The following FAM110B variants were observed in gnomAD, a reference collection of about 807,000 sequenced individuals.
FAM110B encodes protein FAM110B.
Under a neutral mutation model 20.4 loss-of-function variants are expected in FAM110B, and 6 were observed. That is an observed-to-expected ratio of 0.29 (90% CI 0.16 to 0.58). The LOEUF is 0.58. Among genes scored for constraint, FAM110B ranks in the 20% least tolerant of loss-of-function variants. The pLI is 0.90. For synonymous variants in FAM110B, 226 were observed against 214.1 expected, an observed-to-expected ratio of 1.06 and a Z score of -0.49; for missense variants, 434 against 498.2, an observed-to-expected ratio of 0.87 and a Z score of 1.23.
Position 58,146,072 on chromosome 8 carries a change from T to G in FAM110B, c.-159T>G. 19 of 786,186 alleles carry G rather than the reference T, an allele frequency of 2.4e-5. No homozygotes were observed. The highest frequency in any genetic ancestry group is 3.1e-5 in the Non-Finnish European group (16 of 508,538). 48.7% of individuals were successfully genotyped at this position (786,186 alleles called of 1,614,324 possible). A position where few individuals can be genotyped will look rare whatever the true frequency, so the allele number is the denominator to read the frequency against. On this transcript the variant is annotated 5_prime_UTR_variant, in exon 4 of 4. It removes an upstream start codon present in the reference 5' UTR. Transcript: ENST00000519262. ...GTATGAAAGCCACCGTGGCGGTTAA[T>G]GAGCTGTGAGATGAGGCGCTGCTGC...
In FAM110B at chr8:58,147,152, T is replaced by A. The variant is rs1447703153; in HGVS notation, c.922T>A (p.Phe308Ile). Reference sequence around the variant, plus strand: ...TAATTCTGACATAATATCCCTCAACTTCCGCAGCGCAAGCATGATCAGCTC... The same window carrying A: ...TAATTCTGACATAATATCCCTCAACATCCGCAGCGCAAGCATGATCAGCTC... Reference protein sequence around the residue: ...RANSDIISLNFRSASMISSDC... With the variant: ...RANSDIISLNIRSASMISSDC... The change falls in exon 4 of 4, where the codon TTC becomes ATC. Residue 308 changes from phenylalanine to isoleucine, a missense_variant. Physicochemically the swap from Phe to Ile is conservative, Grantham distance 21. Around this residue, in one of 3 missense-constraint regions of FAM110B, gnomAD observed 94 missense variants for 137.8 expected, o/e 0.68. Coordinates refer to ENST00000519262, the MANE Select transcript of FAM110B (RefSeq NM_001377989.1). 2 of 1,614,034 alleles carry A rather than the reference T, an allele frequency of 1.2e-6. No individual in the cohort carries two copies. Among genetic ancestry groups the A allele is most frequent in the African/African-American group, 2.7e-5 (2 of 74,920 alleles).
chr8:58,072,852 A>C (rs1805937821), intron 2 of FAM110B, among the ~76,000 whole-genome samples: 1 of 152,248 alleles, frequency 6.6e-6, no homozygotes, highest in Admixed American at 6.5e-5. Flanking sequence ...GATGTGCCGC[A>C]AAGTAACTGG....
At chr8:58,010,845 G>C (rs958857737) in intron 1 of FAM110B, among the ~76,000 whole-genome samples, 3 of 152,164 alleles carry the variant, frequency 2.0e-5, no homozygotes, top group Non-Finnish European at 4.4e-5. Flanking sequence ...TCACAACTTA[G>C]AAAATTCATT....
chr8:58,109,473 G>A (rs1807005173), intron 3 of FAM110B, among the ~76,000 whole-genome samples: 1 of 152,136 alleles, frequency 6.6e-6, no homozygotes, highest in South Asian at 2.1e-4. Flanking sequence ...GTTTTTATTA[G>A]CGGCACAGAA....
At chr8:58,017,623 T>C (rs1309691063) in intron 1 of FAM110B, among the ~76,000 whole-genome samples, 2 of 152,324 alleles carry the variant, frequency 1.3e-5, no homozygotes, top group Middle Eastern at 6.8e-3. Context: ...ATGTTTTTGT[T>C]TGGAAAATTC....
intron 2 of FAM110B, among the ~76,000 whole-genome samples, chr8:58,074,217 G>A (rs1323469546): frequency 2.6e-5 from 4 of 152,058 alleles, no homozygotes; most frequent in Non-Finnish European, 5.9e-5. Flanking sequence ...CTCTAACTCT[G>A]GTTTGTTTTT....
chr8:58,031,657 G>C lies in FAM110B; in HGVS notation c.-460G>C, dbSNP rs1424936096. ...AGCATTCTTGTTCTGTCTACGTCTTGAATTAGAAACTATCAAGCTCTGTAA... is the reference window on the plus strand; with the variant it reads ...AGCATTCTTGTTCTGTCTACGTCTTCAATTAGAAACTATCAAGCTCTGTAA... On this transcript the variant is annotated 5_prime_UTR_variant, in exon 2 of 4. Coordinates refer to ENST00000519262, the MANE Select transcript of FAM110B (RefSeq NM_001377989.1). 1 of 152,058 alleles carries C rather than the reference G, an allele frequency of 6.6e-6. No individual in the cohort carries two copies. The highest frequency in any genetic ancestry group is 1.5e-5 in the Non-Finnish European group (1 of 68,010). 9.4% of individuals were successfully genotyped at this position (152,058 alleles called of 1,614,324 possible).
intron 1 of FAM110B, among the ~76,000 whole-genome samples, chr8:58,004,822 C>G (rs547233105): frequency 6.6e-6 from 1 of 152,322 alleles, no homozygotes; most frequent in East Asian, 1.9e-4. Flanking sequence ...TCTCTCTCAG[C>G]CTTCATTGAA....
intron 3 of FAM110B, among the ~76,000 whole-genome samples, chr8:58,104,352 C>T (rs1806857495): frequency 6.6e-6 from 1 of 152,132 alleles, no homozygotes; most frequent in African/African-American, 2.4e-5. Context: ...TAGAAAATTA[C>T]CTATTGAAAC....
At chr8:58,033,012 A>G (rs1805000263) in intron 2 of FAM110B, among the ~76,000 whole-genome samples, 1 of 152,244 alleles carries the variant, frequency 6.6e-6, no homozygotes, top group Non-Finnish European at 1.5e-5. Context: ...CCCATCAGCC[A>G]GGTAGCAACC....
At chr8:58,109,517 A>C (rs1807007105) in intron 3 of FAM110B, among the ~76,000 whole-genome samples, 1 of 152,190 alleles carries the variant, frequency 6.6e-6, no homozygotes, top group African/African-American at 2.4e-5. Flanking sequence ...CTGATCCTGC[A>C]CAAGTTTTTT....
chr8:58,133,205 G>GTTTTTTTTTTTTTTTT (rs59489059), intron 3 of FAM110B, among the ~76,000 whole-genome samples: 1 of 140,134 alleles, frequency 7.1e-6, no homozygotes, highest in Admixed American at 7.2e-5. Flanking sequence ...GCTCGATTTT[G>GTTTTTTTTTTTTTTTT]TTTTTTTTTT....
At chr8:58,089,698 C>G (rs1806426756) in intron 3 of FAM110B, among the ~76,000 whole-genome samples, 1 of 152,188 alleles carries the variant, frequency 6.6e-6, no homozygotes, top group South Asian at 2.1e-4. Context: ...TACAGAGGCA[C>G]TGATGACAGG....
Position 58,146,961 on chromosome 8 carries a change from TGGA to T in FAM110B, c.732_734del (p.Glu245del). On this transcript the variant is annotated inframe_deletion, in exon 4 of 4. Coordinates refer to ENST00000519262, the MANE Select transcript of FAM110B (RefSeq NM_001377989.1). ...ATGAAGTCCCCCGAGGCCGACCCTG[TGGA>T]ACCAGCTTGTGGAGTCAGCCGAAGA... 6.2e-7 allele frequency: 1 copy of T among 1,614,166 alleles called. No homozygotes were observed. Among genetic ancestry groups the T allele is most frequent in the Non-Finnish European group, 8.5e-7 (1 of 1,180,032 alleles).
intron 1 of FAM110B, among the ~76,000 whole-genome samples, chr8:58,003,508 C>A (rs1804342493): frequency 6.6e-6 from 1 of 152,176 alleles, no homozygotes; most frequent in African/African-American, 2.4e-5. Flanking sequence ...GCAGCTATAG[C>A]CTTACAAAGG....
chr8:58,037,405 T>G (rs1030972577), intron 2 of FAM110B, among the ~76,000 whole-genome samples: 1 of 151,808 alleles, frequency 6.6e-6, no homozygotes, highest in Non-Finnish European at 1.5e-5. Context: ...GGAGGCCAAA[T>G]TGGGAGGATT....
intron 1 of FAM110B, among the ~76,000 whole-genome samples, chr8:58,005,253 G>A (rs1037133233): frequency 6.6e-6 from 1 of 152,164 alleles, no homozygotes; most frequent in Non-Finnish European, 1.5e-5. Flanking sequence ...TGGGGCAGGG[G>A]CGGGGAGCAG....
At chr8:58,085,872 A>T (rs1012324797) in intron 3 of FAM110B, among the ~76,000 whole-genome samples, 1 of 152,192 alleles carries the variant, frequency 6.6e-6, no homozygotes, top group African/African-American at 2.4e-5. Flanking sequence ...GTGCTCAATT[A>T]AAAAATCAAT....
intron 2 of FAM110B, among the ~76,000 whole-genome samples, chr8:58,071,280 G>A (rs1033212021): frequency 2.0e-5 from 3 of 152,034 alleles, no homozygotes; most frequent in Non-Finnish European, 2.9e-5. Context: ...CCATAGTGTC[G>A]TATTTTATAC....
Sources: gnomAD v4.1 joint callset for allele counts (sites outside exome capture counted in the v4.1 genomes callset) on GRCh38, gnomAD v4.1.1 for gene constraint, gnomAD v4.1.1 regional missense constraint, MANE v1.5 for transcripts, NCBI Gene and HGNC (gene_info 2026-07-23, HGNC 2026-07-21) for gene names.